MGST2: variants seen among roughly 807,000 people sequenced by gnomAD.
MGST2 encodes the protein microsomal glutathione S-transferase 2.
Under a neutral mutation model 16.6 loss-of-function variants are expected in MGST2, and 9 were observed. The ratio of observed to expected loss-of-function variants is 0.54; its 90% CI spans 0.33 to 0.95. The LOEUF (loss-of-function observed/expected upper bound fraction) is 0.95, where lower values mean the gene tolerates loss of function less well. Ranked by LOEUF, MGST2 falls within the 40% of genes least tolerant of loss-of-function variation. The probability of loss-of-function intolerance (pLI) is 0.03; values close to 1 mark genes in which losing one functional copy is unlikely to be tolerated. For synonymous variants in MGST2, 79 were observed against 68.0 expected (o/e 1.16, Z -0.79); for missense variants, 159 against 175.1 (o/e 0.91, Z 0.52).
chr4:139,677,189 T>C (rs1300787767), intron 1 of MGST2, among the ~76,000 whole-genome samples: 1 of 152,164 alleles, frequency 6.6e-6, no homozygotes, highest in East Asian at 1.9e-4. Context: ...TCTCAACCAA[T>C]TTAGAAAGTT....
chr4:139,716,626 A>T (rs1299257425), intron 5 of MGST2: 2 of 152,674 alleles, frequency 1.3e-5, no homozygotes, highest in African/African-American at 4.8e-5. Context: ...CCCATTAAAT[A>T]AATGTTTAAA....
intron 4 of MGST2, among the ~76,000 whole-genome samples, 161 bp downstream of exon 4, chr4:139,703,697 G>T (rs1455837438): frequency 6.6e-6 from 1 of 152,158 alleles, no homozygotes; most frequent in African/African-American, 2.4e-5. Context: ...ACACAATTAG[G>T]CATGAGATGG....
intron 5 of MGST2, among the ~76,000 whole-genome samples, chr4:139,728,071 C>G (rs1025926322): frequency 1.3e-5 from 2 of 152,086 alleles, no homozygotes; most frequent in Non-Finnish European, 2.9e-5. Context: ...AAAAATTAGC[C>G]AGGCGTGATG....
At chr4:139,666,215 G>C in intron 1 of MGST2, 138 bp downstream of exon 1, 1 of 867,404 alleles carries the variant, frequency 1.2e-6, no homozygotes. Flanking sequence ...GGTAGCTCTG[G>C]GTCCTCAGAG....
intron 1 of MGST2, among the ~76,000 whole-genome samples, chr4:139,674,888 G>T (rs1289956095): frequency 6.6e-6 from 1 of 152,124 alleles, no homozygotes; most frequent in East Asian, 1.9e-4. Flanking sequence ...AGTGATTTGG[G>T]GGTCCTAAGA....
chr4:139,709,133 A>C (rs1222453281), downstream of MGST2, among the ~76,000 whole-genome samples: 1 of 109,986 alleles, frequency 9.1e-6, no homozygotes, highest in Non-Finnish European at 1.7e-5. Flanking sequence ...CCCAGGCCGG[A>C]GTGCAGTGGT....
intron 5 of MGST2, among the ~76,000 whole-genome samples, chr4:139,734,098 CTG>C (rs1180171129): frequency 6.6e-6 from 1 of 152,226 alleles, no homozygotes; most frequent in Non-Finnish European, 1.5e-5. Context: ...GCCCCCGACT[CTG>C]AGGTGTATTC....
intron 1 of MGST2, among the ~76,000 whole-genome samples, chr4:139,675,770 T>C (rs1363949934): frequency 6.6e-6 from 1 of 152,108 alleles, no homozygotes; most frequent in Non-Finnish European, 1.5e-5. Flanking sequence ...AGCAAGAGCT[T>C]AGGGGTAATT....
intron 5 of MGST2, among the ~76,000 whole-genome samples, chr4:139,736,118 A>G (rs1045222767): frequency 1.3e-5 from 2 of 152,158 alleles, no homozygotes; most frequent in East Asian, 3.8e-4. Context: ...ACACACATAC[A>G]CACACACTCA....
intron 3 of MGST2, chr4:139,698,524 AT>A (rs761902526): frequency 4.6e-5 from 52 of 1,119,338 alleles, no homozygotes; most frequent in Non-Finnish European, 6.2e-5. Context: ...CCACCGGTCG[AT>A]TTGCGGGCAG....
At chr4:139,739,143 T>A (rs1180225861) in intron 5 of MGST2, among the ~76,000 whole-genome samples, 1 of 152,244 alleles carries the variant, frequency 6.6e-6, no homozygotes, top group Non-Finnish European at 1.5e-5. Context: ...GGATGAATTC[T>A]AGCCTAAACC....
At chr4:139,696,554 C>T (rs956782609) in intron 3 of MGST2, among the ~76,000 whole-genome samples, 29 of 152,260 alleles carry the variant, frequency 1.9e-4, no homozygotes, top group African/African-American at 6.5e-4. Context: ...ATTCATCTGG[C>T]GTGGTGTCTA....
rs1007152786 is a variant in MGST2, at chr4:139,681,961, C to T, written c.158+3319C>T. ...ATCCCAGGGACTCAGTAGGCCCAGG[C>T]GGGAGAACTGCTTGAGACCAGAAGT... On this transcript the variant is annotated intron_variant, in intron 2 of 4. Transcript: ENST00000265498. Among the ~76,000 whole-genome samples, 5 of 152,142 alleles carry T rather than the reference C, an allele frequency of 3.3e-5. No homozygotes were observed. The East Asian group carries it at 7.7e-4, about 24-fold the overall frequency.
chr4:139,691,752 G>A (rs886560397), intron 2 of MGST2, among the ~76,000 whole-genome samples: 65 of 152,088 alleles, frequency 4.3e-4, no homozygotes, highest in Non-Finnish European at 8.2e-4. Flanking sequence ...AGGCTGGAGT[G>A]CAGTGGCGTG....
chr4:139,708,679 T>G (rs1401457128), downstream of MGST2, among the ~76,000 whole-genome samples: 1 of 152,136 alleles, frequency 6.6e-6, no homozygotes, highest in East Asian at 1.9e-4. Context: ...AATGGCAATG[T>G]GAGATCCTTG....
At chr4:139,709,071 ATTTTTTTTT>A (rs377191495), downstream of MGST2, among the ~76,000 whole-genome samples, 84 of 82,008 alleles carry the variant, frequency 1.0e-3, 6 homozygotes, top group African/African-American at 2.1e-3. Flanking sequence ...AATGGAAAAA[ATTTTTTTTT>A]TTTTTTTTTT....
the MGST2 span, among the ~76,000 whole-genome samples, chr4:139,753,409 C>A: frequency 2.0e-5 from 3 of 150,380 alleles, no homozygotes; most frequent in African/African-American, 7.4e-5. Context: ...AGCATTTTAA[C>A]TGCTGTTATG....
intron 1 of MGST2, among the ~76,000 whole-genome samples, chr4:139,673,131 G>A (rs1238039023): frequency 6.6e-6 from 1 of 152,200 alleles, no homozygotes; most frequent in Admixed American, 6.5e-5. Context: ...GTAGGAAACA[G>A]ATATTGAGGT....
At chr4:139,748,119 G>T in the MGST2 span, among the ~76,000 whole-genome samples, 2 of 150,788 alleles carry the variant, frequency 1.3e-5, no homozygotes, top group African/African-American at 4.9e-5. Flanking sequence ...AGGAGGATGG[G>T]AAAACAAATT....
Sources: gnomAD v4.1 joint callset for allele counts (sites outside exome capture counted in the v4.1 genomes callset) on GRCh38, gnomAD v4.1.1 for gene constraint, MANE v1.5 for transcripts, NCBI Gene and HGNC (gene_info 2026-07-23, HGNC 2026-07-21) for gene names.